TMEM74: variants seen among roughly 807,000 people sequenced by gnomAD.
TMEM74 encodes transmembrane protein 74.
Under a neutral mutation model 18.1 loss-of-function variants are expected in TMEM74, and 13 were observed. The ratio of observed to expected loss-of-function variants is 0.72; its 90% confidence interval spans 0.47 to 1.14. The LOEUF is 1.14. TMEM74 is among the 50% of genes most tolerant of loss of function. TMEM74 has a pLI of 0.00. For synonymous variants in TMEM74, 159 were observed against 146.6 expected (o/e 1.08, Z -0.61); for missense variants, 372 against 375.9 (o/e 0.99, Z 0.09).
intron 2 of TMEM74, among the ~76,000 whole-genome samples, chr8:108,613,506 CT>C (rs1279422242): frequency 6.6e-6 from 1 of 152,224 alleles, no homozygotes; most frequent in Non-Finnish European, 1.5e-5. Flanking sequence ...CGAAATGGCT[CT>C]GGGTATTTTG....
At chr8:108,630,653 C>T (rs1486496972) in intron 2 of TMEM74, among the ~76,000 whole-genome samples, 1 of 151,970 alleles carries the variant, frequency 6.6e-6, no homozygotes, top group Non-Finnish European at 1.5e-5. Flanking sequence ...CAAATTAGAA[C>T]TCAGGATTAA....
chr8:108,614,324 T>C (rs931097868), intron 2 of TMEM74, among the ~76,000 whole-genome samples: 3 of 152,184 alleles, frequency 2.0e-5, no homozygotes, highest in African/African-American at 7.2e-5. Context: ...TTTCTTCTTA[T>C]ATCCCTTAGT....
At chr8:108,607,999 G>A (rs1206945269) in intron 3 of TMEM74, among the ~76,000 whole-genome samples, 1 of 152,074 alleles carries the variant, frequency 6.6e-6, no homozygotes, top group Non-Finnish European at 1.5e-5. Context: ...GGTTGCTGAT[G>A]TAGGCTATGT....
chr8:108,623,728 C>G (rs572871837), intron 2 of TMEM74, among the ~76,000 whole-genome samples: 1 of 151,982 alleles, frequency 6.6e-6, no homozygotes, highest in Non-Finnish European at 1.5e-5. Context: ...AGTTTTGATG[C>G]TTTCCTCTAA....
chr8:108,745,475 A>G (rs896311069), intron 1 of TMEM74, among the ~76,000 whole-genome samples: 3 of 152,270 alleles, frequency 2.0e-5, no homozygotes, highest in African/African-American at 7.2e-5. Flanking sequence ...GCATTTACAT[A>G]TGTAAAAGTC....
chr8:108,689,973 T>C (rs1467268203), intron 1 of TMEM74, among the ~76,000 whole-genome samples: 2 of 152,158 alleles, frequency 1.3e-5, no homozygotes, highest in African/African-American at 4.8e-5. Context: ...TCATGTGATG[T>C]TTGGTGCTCA....
intron 1 of TMEM74, among the ~76,000 whole-genome samples, chr8:108,715,766 A>G (rs1436777651): frequency 3.9e-5 from 6 of 152,124 alleles, no homozygotes; most frequent in Admixed American, 1.3e-4. Flanking sequence ...ACTTTTTTAA[A>G]TTAAAAAAGT....
chr8:108,748,298 C>A (rs1205254833), intron 1 of TMEM74, among the ~76,000 whole-genome samples: 1 of 152,142 alleles, frequency 6.6e-6, no homozygotes, highest in East Asian at 1.9e-4. Flanking sequence ...TTTTGATTGG[C>A]ATTTCTCCAA....
At chr8:108,657,359 GA>G (rs1195135124) in intron 1 of TMEM74, among the ~76,000 whole-genome samples, 1 of 151,942 alleles carries the variant, frequency 6.6e-6, no homozygotes, top group Non-Finnish European at 1.5e-5. Context: ...TGTGAATTCA[GA>G]AAATTGTCTG....
rs1245952593 is a variant in TMEM74, at chr8:108,784,635, AAAG to A, written c.461_463del (p.Ser154del). The A allele has an allele frequency of 6.2e-7, 1 of 1,614,040 alleles. No individual in the cohort carries two copies. The highest frequency in any genetic ancestry group is 8.5e-7 in the Non-Finnish European group (1 of 1,180,028). On this transcript the variant is annotated inframe_deletion, in exon 2 of 2. Coordinates refer to ENST00000297459, the MANE Select transcript of TMEM74 (RefSeq NM_153015.3). ...TGTATCATCCTCCTCTTCAGATATC[AAAG>A]ATATGGCAGCCTCTTGGGACCACTC...
chr8:108,658,009 C>A (rs1284812917), intron 1 of TMEM74, among the ~76,000 whole-genome samples: 1 of 149,332 alleles, frequency 6.7e-6, no homozygotes, highest in Non-Finnish European at 1.5e-5. Context: ...GACACTAAGA[C>A]CACATAGAGA....
chr8:108,685,112 T>C (rs1018287943), intron 1 of TMEM74, among the ~76,000 whole-genome samples: 2 of 152,080 alleles, frequency 1.3e-5, no homozygotes, highest in Admixed American at 1.3e-4. Flanking sequence ...ATTTCTTTGA[T>C]GAGTGTTTTG....
At chr8:108,681,747 T>A (rs1332132348) in intron 1 of TMEM74, among the ~76,000 whole-genome samples, 12 of 152,154 alleles carry the variant, frequency 7.9e-5, no homozygotes, top group Admixed American at 5.9e-4. Context: ...ATAGTAGTAA[T>A]GGCTACGTAA....
rs75947734 is a variant in TMEM74 at position 108,643,630 on chromosome 8, C to A, written n.264+11663G>T. ...GTGACTCATGCCTGTAATTCCAGCA[C>A]TTTGGGAGGCTCAGGTGGGAGAATC... On this transcript the variant is annotated intron_variant and non_coding_transcript_variant, in intron 2 of 3. Transcript: ENST00000518838. Among the ~76,000 whole-genome samples, 675 of 151,968 alleles carry A rather than the reference C, an allele frequency of 4.4e-3. 9 individuals are homozygous for A. The highest frequency in any genetic ancestry group is 0.015 in the African/African-American group (632 of 41,448).
intron 1 of TMEM74, among the ~76,000 whole-genome samples, chr8:108,769,114 C>T (rs2130669652): frequency 6.6e-6 from 1 of 151,096 alleles, no homozygotes; most frequent in South Asian, 2.1e-4. Flanking sequence ...ACCAGCCTGG[C>T]CAACATGGTG....
At chr8:108,725,757 A>G (rs1274617255) in intron 1 of TMEM74, among the ~76,000 whole-genome samples, 1 of 152,202 alleles carries the variant, frequency 6.6e-6, no homozygotes, top group Non-Finnish European at 1.5e-5. Flanking sequence ...TCTAAAATGA[A>G]AGCAATATGT....
intron 1 of TMEM74, among the ~76,000 whole-genome samples, chr8:108,759,183 G>A (rs1295915270): frequency 6.6e-6 from 1 of 151,994 alleles, no homozygotes; most frequent in African/African-American, 2.4e-5. Flanking sequence ...GGTAAGATAA[G>A]CTACAATTCT....
chr8:108,652,532 G>T, intron 2 of TMEM74: 2 of 519,882 alleles, frequency 3.8e-6, no homozygotes, highest in Non-Finnish European at 7.2e-6. Context: ...GTGCAGGATG[G>T]TGCTCATTCT....
At chr8:108,612,806 T>C (rs1197644366) in intron 2 of TMEM74, among the ~76,000 whole-genome samples, 1 of 152,178 alleles carries the variant, frequency 6.6e-6, no homozygotes, top group Non-Finnish European at 1.5e-5. Context: ...TTCTTCAAGT[T>C]GAAGAAGAAC....
Sources: allele counts gnomAD v4.1 joint callset (sites outside exome capture counted in the v4.1 genomes callset), GRCh38; gene constraint gnomAD v4.1.1; transcripts MANE v1.5; gene names NCBI Gene and HGNC (gene_info 2026-07-23, HGNC 2026-07-21).